OXR1: variants seen among roughly 807,000 people sequenced by gnomAD.
The protein encoded by OXR1 is oxidation resistance protein 1.
OXR1 carries 41 observed loss-of-function variants against 104.6 expected under a neutral mutation model. That is an observed-to-expected ratio of 0.39 (90% CI 0.31 to 0.51). The LOEUF (loss-of-function observed/expected upper bound fraction) is 0.51, where lower values mean the gene tolerates loss of function less well. Ranked by LOEUF, OXR1 falls within the 20% of genes least tolerant of loss-of-function variation. The pLI, the probability that OXR1 is intolerant of heterozygous loss-of-function variation, is 0.77. For synonymous variants in OXR1, 348 were observed against 348.4 expected, an observed-to-expected ratio of 1.00 and a Z score of 0.01; for missense variants, 955 against 1,031.9, an observed-to-expected ratio of 0.93 and a Z score of 1.02.
chr8:106,644,332 C>A (rs1823899059), intron 3 of OXR1, among the ~76,000 whole-genome samples: 1 of 152,156 alleles, frequency 6.6e-6, no homozygotes, highest in South Asian at 2.1e-4. Flanking sequence ...ATCAGGTGAT[C>A]TTTAGCATAT....
chr8:106,447,283 G>C (rs1237840610), intron 2 of OXR1, among the ~76,000 whole-genome samples: 1 of 152,062 alleles, frequency 6.6e-6, no homozygotes, highest in African/African-American at 2.4e-5. Context: ...TACTTTATCT[G>C]ATTTTTCTTT....
At chr8:106,492,546 C>A (rs1053252133) in intron 2 of OXR1, among the ~76,000 whole-genome samples, 30 of 152,138 alleles carry the variant, frequency 2.0e-4, no homozygotes, top group African/African-American at 7.2e-4. Flanking sequence ...CAAGTAGGAG[C>A]TACTTGAAGG....
At chr8:106,547,978 G>C (rs979026681) in intron 3 of OXR1, among the ~76,000 whole-genome samples, 2 of 152,078 alleles carry the variant, frequency 1.3e-5, no homozygotes, top group Non-Finnish European at 2.9e-5. Flanking sequence ...GTTCATTTGG[G>C]TATATACCCA....
chr8:106,651,691 G>A (rs2131014820), intron 3 of OXR1, among the ~76,000 whole-genome samples: 1 of 152,282 alleles, frequency 6.6e-6, no homozygotes, highest in East Asian at 1.9e-4. Context: ...AAATTGGGAA[G>A]TATGAGTCCC....
At chr8:106,421,034 A>T (rs1818884227) in intron 2 of OXR1, among the ~76,000 whole-genome samples, 1 of 152,188 alleles carries the variant, frequency 6.6e-6, no homozygotes, top group Non-Finnish European at 1.5e-5. Flanking sequence ...GCATGTATTT[A>T]TTAATGAATT....
intron 2 of OXR1, among the ~76,000 whole-genome samples, chr8:106,458,070 G>GT (rs1294498633): frequency 1.3e-5 from 2 of 152,228 alleles, no homozygotes; most frequent in African/African-American, 4.8e-5. Flanking sequence ...GTTCAGGAGA[G>GT]AATTCTAAGG....
chr8:106,551,092 C>A (rs1815765603), intron 3 of OXR1, among the ~76,000 whole-genome samples: 1 of 152,132 alleles, frequency 6.6e-6, no homozygotes, highest in African/African-American at 2.4e-5. Flanking sequence ...TCTGTTATAC[C>A]TTTGTCTATT....
chr8:106,506,505 C>G (rs369522867), intron 2 of OXR1, among the ~76,000 whole-genome samples: 1 of 151,784 alleles, frequency 6.6e-6, no homozygotes, highest in Admixed American at 6.6e-5. Flanking sequence ...CCCAGCTACT[C>G]GGGAGGCTGA....
intron 1 of OXR1, among the ~76,000 whole-genome samples, chr8:106,320,332 A>G (rs998801000): frequency 6.6e-6 from 1 of 152,138 alleles, no homozygotes; most frequent in African/African-American, 2.4e-5. Context: ...TCGTAGACTT[A>G]GGTTTCTCCA....
intron 2 of OXR1, among the ~76,000 whole-genome samples, chr8:106,366,052 A>C (rs997687813): frequency 2.6e-5 from 4 of 152,168 alleles, no homozygotes; most frequent in African/African-American, 9.7e-5. Context: ...CTCCTTCTCA[A>C]ACTTGCCATT....
intron 1 of OXR1, among the ~76,000 whole-genome samples, chr8:106,282,125 T>A (rs1291439363): frequency 2.0e-5 from 3 of 152,206 alleles, no homozygotes; most frequent in Non-Finnish European, 4.4e-5. Context: ...TAGGTGGTTT[T>A]AACCTGTAGC....
intron 3 of OXR1, among the ~76,000 whole-genome samples, chr8:106,661,887 G>A (rs1397700576): frequency 1.3e-5 from 2 of 152,216 alleles, no homozygotes; most frequent in Non-Finnish European, 2.9e-5. Flanking sequence ...GGTTGGTAGC[G>A]GAGAAGAGGT....
chr8:106,270,897 C>G (rs1009328334), intron 1 of OXR1, among the ~76,000 whole-genome samples: 5 of 152,076 alleles, frequency 3.3e-5, no homozygotes, highest in African/African-American at 1.2e-4. Context: ...GGACAGTGGG[C>G]TCCGGAGGGG....
At chr8:106,693,692 A>G (rs1036798395) in intron 7 of OXR1, among the ~76,000 whole-genome samples, 1 of 152,058 alleles carries the variant, frequency 6.6e-6, no homozygotes, top group Admixed American at 6.6e-5. Context: ...CGGCCTCCCA[A>G]AGTGCTGGGA....
chr8:106,390,486 C>T (rs1002801264), intron 2 of OXR1, among the ~76,000 whole-genome samples: 13 of 152,120 alleles, frequency 8.5e-5, no homozygotes, highest in Admixed American at 2.0e-4. Context: ...CTGTTATTAT[C>T]GCCTACTTTA....
intron 3 of OXR1, among the ~76,000 whole-genome samples, chr8:106,642,386 T>C (rs1414015830): frequency 6.6e-6 from 1 of 152,166 alleles, no homozygotes; most frequent in Non-Finnish European, 1.5e-5. Flanking sequence ...GAGTCTACAT[T>C]TGGAGTTCCT....
At chr8:106,367,192 G>A (rs1047570246) in intron 2 of OXR1, among the ~76,000 whole-genome samples, 3 of 151,730 alleles carry the variant, frequency 2.0e-5, no homozygotes, top group African/African-American at 7.3e-5. Context: ...CTCCCAGGTA[G>A]CTGGGACTAC....
chr8:106,535,123 C>T (rs775075072), intron 3 of OXR1, among the ~76,000 whole-genome samples: 1 of 152,084 alleles, frequency 6.6e-6, no homozygotes, highest in Non-Finnish European at 1.5e-5. Flanking sequence ...CCACCACACC[C>T]GGCTAATTTT....
At chr8:106,500,228 A>G (rs1243571133) in intron 2 of OXR1, among the ~76,000 whole-genome samples, 1 of 152,256 alleles carries the variant, frequency 6.6e-6, no homozygotes, top group Non-Finnish European at 1.5e-5. Flanking sequence ...TTTTATACTC[A>G]GTACCTGTTT....
Sources: allele counts gnomAD v4.1 joint callset (sites outside exome capture counted in the v4.1 genomes callset), GRCh38; gene constraint gnomAD v4.1.1; transcripts MANE v1.5; gene names NCBI Gene and HGNC (gene_info 2026-07-23, HGNC 2026-07-21).